TCN1: variants seen among roughly 807,000 people sequenced by gnomAD.
The protein encoded by TCN1 is transcobalamin-1.
A neutral mutation model predicts 46.3 loss-of-function variants in TCN1; 47 were observed. The observed-to-expected ratio is 1.01, with a 90% CI of 0.80 to 1.29. TCN1 has a LOEUF of 1.29. TCN1 is among the 50% of genes most tolerant of loss of function. TCN1 has a pLI of 0.00. For missense variants in TCN1, 532 were observed against 511.0 expected (o/e 1.04, Z -0.40); for synonymous variants, 183 against 192.5 (o/e 0.95, Z 0.41).
At position 59,852,863 on chromosome 11, in the gene TCN1, G is replaced by T. The variant is rs1363253991; in HGVS notation, c.*112C>A. On this transcript the variant is annotated 3_prime_UTR_variant, in exon 9 of 9. Coordinates refer to ENST00000257264, the MANE Select transcript of TCN1 (RefSeq NM_001062.4). ...TGAACATGTAGAGAGAGAAGGGGAG[G>T]TTATTAACTCTCCTGCTCGTACTGG... 4.2e-6 allele frequency: 4 copies of T among 953,806 alleles called. No homozygotes were observed. Among genetic ancestry groups the T allele is most frequent in the Non-Finnish European group, 5.2e-6 (3 of 579,922 alleles). The allele number at this position is 953,806 out of a possible 1,614,324, so 59.1% of individuals were successfully genotyped here. A position where few individuals can be genotyped will look rare whatever the true frequency, so the allele number is the denominator to read the frequency against.
At position 59,853,232 on chromosome 11, in the gene TCN1, A is replaced by G; in HGVS notation, c.1211T>C (p.Leu404Pro). The G allele has an allele frequency of 6.2e-7, 1 of 1,614,130 alleles. No homozygotes were observed. Among genetic ancestry groups the G allele is most frequent in the Non-Finnish European group, 8.5e-7 (1 of 1,180,024 alleles). ...GCTCAGTGGTTCGCCTCCACTCAGA[A>G]GTTCCCAGTAGGTTCTGTCATTATT... ...ANNNDRTYWELLSGGEPLSQG... is the reference protein window; with the variant it reads ...ANNNDRTYWEPLSGGEPLSQG... The change falls in exon 8 of 9, where the codon CTT becomes CCT. Residue 404 changes from leucine (L) to proline (P), a missense_variant. Coordinates refer to ENST00000257264, the MANE Select transcript of TCN1 (RefSeq NM_001062.4).
At chr11:59,853,382 G>A (rs1450369025) in intron 7 of TCN1, 61 bp from the exon 8 acceptor site, 2 of 1,447,706 alleles carry the variant, frequency 1.4e-6, no homozygotes, top group East Asian at 2.3e-5. Context: ...CCAACAATAG[G>A]CATTTCTCAA....
chr11:59,858,799 T>C (rs187747322), intron 5 of TCN1, among the ~76,000 whole-genome samples: 196 of 152,214 alleles, frequency 1.3e-3, no homozygotes, highest in Non-Finnish European at 1.9e-3. Flanking sequence ...TGAAACTCTG[T>C]CTCTACTAAA....
At chr11:59,862,814 T>C in intron 2 of TCN1, 92 bp from the exon 3 acceptor site, 1 of 1,431,730 alleles carries the variant, frequency 7.0e-7, no homozygotes, top group Non-Finnish European at 9.7e-7. Context: ...CCTATCACTT[T>C]TTTCTTCTGT....
At chr11:59,863,141 C>T (rs373213380) in intron 2 of TCN1, among the ~76,000 whole-genome samples, 1 of 152,268 alleles carries the variant, frequency 6.6e-6, no homozygotes, top group African/African-American at 2.4e-5. Context: ...ATATATTCAT[C>T]ATTATGTGAT....
intron 5 of TCN1, among the ~76,000 whole-genome samples, chr11:59,858,603 G>A (rs900414127): frequency 2.0e-5 from 3 of 152,138 alleles, no homozygotes; most frequent in Non-Finnish European, 2.9e-5. Context: ...GAAGGGAATC[G>A]TATGAGCAAA....
At chr11:59,855,795 AG>A in intron 6 of TCN1, 73 bp downstream of exon 6, 1 of 1,557,200 alleles carries the variant, frequency 6.4e-7, no homozygotes, top group Non-Finnish European at 8.9e-7. Context: ...TTGGTTTCAA[AG>A]GACACCTGAA....
intron 2 of TCN1, among the ~76,000 whole-genome samples, chr11:59,862,991 C>G (rs937572291): frequency 6.6e-6 from 1 of 152,124 alleles, no homozygotes; most frequent in African/African-American, 2.4e-5. Context: ...TGCTCTCAGG[C>G]TAAAAACCAG....
chr11:59,859,773 G>A (rs1193345960), intron 4 of TCN1, among the ~76,000 whole-genome samples: 1 of 152,182 alleles, frequency 6.6e-6, no homozygotes, highest in South Asian at 2.1e-4. Context: ...GTGTGTATGT[G>A]TGTCTGCAAT....
At position 59,864,035 on chromosome 11, in the gene TCN1, A is replaced by C; in HGVS notation, c.131T>G (p.Ile44Ser). The C allele has an allele frequency of 6.2e-7, 1 of 1,613,970 alleles. No individual in the cohort carries two copies. Among genetic ancestry groups the C allele is most frequent in the East Asian group, 2.2e-5 (1 of 44,884 alleles). Residue 44 changes from isoleucine (I) to serine (S), a missense_variant, in exon 2 of 9, where the codon ATC becomes AGC. By Grantham distance (142) the Ile-to-Ser change is moderately radical. Transcript: ENST00000257264. Reference sequence around the variant, plus strand: ...GGTTCCCCTGTTATAGTTTGACTGGATCATTGTATTCAACAGAGGTTTTAG... The same window carrying C: ...GGTTCCCCTGTTATAGTTTGACTGGCTCATTGTATTCAACAGAGGTTTTAG... Reference protein sequence around the residue: ...IRLKPLLNTMIQSNYNRGTSA... With the variant: ...IRLKPLLNTMSQSNYNRGTSA...
At chr11:59,860,371 C>A (rs1305288894) in intron 4 of TCN1, among the ~76,000 whole-genome samples, 1 of 151,932 alleles carries the variant, frequency 6.6e-6, no homozygotes, top group Non-Finnish European at 1.5e-5. Context: ...TCAGGTGATC[C>A]ACCCGCCTCG....
chr11:59,861,508 A>G lies in TCN1; in HGVS notation c.556+19T>C. The G allele has an allele frequency of 1.2e-6, 2 of 1,613,238 alleles. No individual in the cohort carries two copies. Among genetic ancestry groups the G allele is most frequent in the Middle Eastern group, 1.7e-4 (1 of 6,050 alleles). The stretch of plus-strand genomic sequence containing the variant: ...TGACCATGTCCTCTGTACCAAGGGA[A>G]TTGGGCTTAGTAACTCACCTACTGA... On this transcript the variant is annotated intron_variant, in intron 4 of 8. Transcript: ENST00000257264.
At position 59,854,719 on chromosome 11, in the gene TCN1, C is replaced by T. The variant is rs779892948; in HGVS notation, c.1054G>A (p.Val352Met). The T allele has an allele frequency of 6.2e-7, 1 of 1,614,002 alleles. No individual in the cohort carries two copies. The highest frequency in any genetic ancestry group is 1.7e-5 in the Admixed American group (1 of 60,014). The stretch of plus-strand genomic sequence containing the variant: ...CTGAGGAAGACAGAACCATTTAGCA[C>T]AGTGACATTGGTGAAATATGTTTCA... ...INETYFTNVT[V>M]LNGSVFLSVM... Residue 352 changes from valine (V) to methionine (M), a missense_variant, in exon 7 of 9, where the codon GTG (valine) becomes ATG (methionine). Coordinates refer to ENST00000257264, the MANE Select transcript of TCN1 (RefSeq NM_001062.4).
chr11:59,853,215 G>A lies in TCN1; in HGVS notation c.1228C>T (p.Pro410Ser). Residue 410 changes from proline to serine, a missense_variant, in exon 8 of 9, where the codon CCA (proline) becomes TCA (serine). By Grantham distance (74) the Pro-to-Ser change is moderately conservative. Coordinates refer to ENST00000257264, the MANE Select transcript of TCN1 (RefSeq NM_001062.4). Reference sequence around the variant, plus strand: ...GTCTCTCCCTTACCTTGGCTCAGTGGTTCGCCTCCACTCAGAAGTTCCCAG... The same window carrying A: ...GTCTCTCCCTTACCTTGGCTCAGTGATTCGCCTCCACTCAGAAGTTCCCAG... ...TYWELLSGGE[P>S]LSQGAGSYVV... is the part of the protein sequence containing the mutation. 6.2e-7 allele frequency: 1 copy of A among 1,614,068 alleles called. No individual in the cohort carries two copies. Among genetic ancestry groups the A allele is most frequent in the Non-Finnish European group, 8.5e-7 (1 of 1,180,004 alleles).
chr11:59,863,153 C>G (rs1565215202), intron 2 of TCN1, among the ~76,000 whole-genome samples: 1 of 152,148 alleles, frequency 6.6e-6, no homozygotes. Context: ...TTATGTGATG[C>G]ATTCCTGTAT....
chr11:59,859,000 A>G, intron 5 of TCN1, 77 bp downstream of exon 5: 2 of 1,517,192 alleles, frequency 1.3e-6, no homozygotes, highest in Non-Finnish European at 1.8e-6. Context: ...GCGAAGCTCC[A>G]TCTTAAAAAA....
In TCN1 at chr11:59,852,978, G is replaced by A; in HGVS notation, c.1299C>T (p.Tyr433=). 6.2e-7 allele frequency: 1 copy of A among 1,614,086 alleles called. No homozygotes were observed. The highest frequency in any genetic ancestry group is 2.2e-5 in the East Asian group (1 of 44,870). The change falls in exon 9 of 9, where the codon TAC becomes TAT. Residue 433 remains tyrosine (Y), a synonymous_variant. Coordinates refer to ENST00000257264, the MANE Select transcript of TCN1 (RefSeq NM_001062.4). ...GENLEVRWSK[Y] Reference sequence around the variant, plus strand: ...AGCTGAGGAAAGTTTGGGCTTATTAGTATTTGCTCCAGCGAACCTCCAAGT... The same window carrying A: ...AGCTGAGGAAAGTTTGGGCTTATTAATATTTGCTCCAGCGAACCTCCAAGT...
At chr11:59,864,966 T>C (rs1478580663) in intron 1 of TCN1, among the ~76,000 whole-genome samples, 3 of 152,306 alleles carry the variant, frequency 2.0e-5, no homozygotes, top group Non-Finnish European at 4.4e-5. Context: ...TAATAACTTA[T>C]GTAACTTGTT....
chr11:59,866,043 C>G (rs912608379), intron 1 of TCN1, among the ~76,000 whole-genome samples: 2 of 152,084 alleles, frequency 1.3e-5, no homozygotes, highest in Admixed American at 6.6e-5. Flanking sequence ...ATATCAAGAC[C>G]AAAAGATAAC....
Sources: gnomAD v4.1 joint callset for allele counts (sites outside exome capture counted in the v4.1 genomes callset) on GRCh38, gnomAD v4.1.1 for gene constraint, MANE v1.5 for transcripts, NCBI Gene and HGNC (gene_info 2026-07-23, HGNC 2026-07-21) for gene names.